Variants in DNAH8 observed in about 807,000 individuals in gnomAD.
The protein encoded by DNAH8 is dynein axonemal heavy chain 8, also known as axonemal beta dynein heavy chain 8.
Under a neutral mutation model 562.1 loss-of-function variants are expected in DNAH8, and 382 were observed. That is an observed-to-expected ratio of 0.68 (90% CI 0.63 to 0.74). The LOEUF is 0.74. DNAH8 is among the 30% of genes least tolerant of loss of function. DNAH8 has a pLI of 0.00. For synonymous variants in DNAH8, 1,881 were observed against 1,919.4 expected (o/e 0.98, Z 0.52); for missense variants, 5,203 against 5,620.4 (o/e 0.93, Z 2.37).
At chr6:38,963,266 T>TC (rs1762738758) in intron 82 of DNAH8, among the ~76,000 whole-genome samples, 3 of 106,070 alleles carry the variant, frequency 2.8e-5, no homozygotes, top group Non-Finnish European at 1.9e-5. Context: ...TTTTTTTTTT[T>TC]TTTTTTTTTT....
At chr6:38,925,142 C>T (rs758612876) in intron 73 of DNAH8, 7 of 152,050 alleles carry the variant, frequency 4.6e-5, no homozygotes, top group Non-Finnish European at 8.8e-5. Flanking sequence ...TGAATTCACC[C>T]TTACAGGGAA....
intron 91 of DNAH8, among the ~76,000 whole-genome samples, chr6:39,020,976 C>T (rs887536987): frequency 2.0e-5 from 3 of 152,186 alleles, no homozygotes; most frequent in Admixed American, 6.5e-5. Flanking sequence ...CTGCAATAAA[C>T]ATATGTGTGC....
rs1182016547 is a variant in DNAH8 at position 38,722,932 on chromosome 6, C to A, written c.123C>A (p.Ala41=). ...EEAPRPPTVE[A]PAEDGFSPSA... is the part of the protein sequence containing the mutation. Reference sequence around the variant, plus strand: ...CCCCGCGCCCTCCGACAGTGGAGGCCCCGGCAGAAGATGGTTTCTCTCCTT... The same window carrying A: ...CCCCGCGCCCTCCGACAGTGGAGGCACCGGCAGAAGATGGTTTCTCTCCTT... The change falls in exon 2 of 93, where the codon GCC becomes GCA. Residue 41 remains alanine, a synonymous_variant. Coordinates refer to ENST00000327475, the MANE Select transcript of DNAH8 (RefSeq NM_001206927.2). 2 of 1,612,500 alleles carry A rather than the reference C, an allele frequency of 1.2e-6. No homozygotes were observed. Among genetic ancestry groups the A allele is most frequent in the Non-Finnish European group, 1.7e-6 (2 of 1,179,670 alleles).
At chr6:38,952,092 A>C (rs1052707924) in intron 82 of DNAH8, among the ~76,000 whole-genome samples, 1 of 152,222 alleles carries the variant, frequency 6.6e-6, no homozygotes, top group African/African-American at 2.4e-5. Context: ...GAAGTGGCTG[A>C]TCACAGGATT....
chr6:38,827,301 G>T (rs942270072), intron 29 of DNAH8, among the ~76,000 whole-genome samples: 5 of 152,114 alleles, frequency 3.3e-5, no homozygotes, highest in African/African-American at 1.2e-4. Context: ...ACCATATAAG[G>T]TAATATGTTC....
chr6:38,999,319 C>G (rs1483240611), intron 88 of DNAH8, among the ~76,000 whole-genome samples: 1 of 151,852 alleles, frequency 6.6e-6, no homozygotes, highest in Admixed American at 6.6e-5. Context: ...GGGACCTAGC[C>G]CCTGGTGCTG....
intron 21 of DNAH8, among the ~76,000 whole-genome samples, chr6:38,802,597 T>G (rs1052284346): frequency 7.9e-5 from 12 of 152,250 alleles, no homozygotes; most frequent in African/African-American, 2.9e-4. Flanking sequence ...CAAATAGTTT[T>G]TCCAACTACT....
rs3047883 is a variant in DNAH8, at chr6:38,881,549, GTT to G, written c.7859-1344_7859-1343del. Among the ~76,000 whole-genome samples the G allele has an allele frequency of 0.011, 1,497 of 133,970 alleles. 77 individuals are homozygous for G. The East Asian group carries it at 0.15, about 14-fold the overall frequency. 87.9% of individuals were successfully genotyped at this position (133,970 alleles called of 152,430 possible). ...ATGTAAATAAATTTTTGAAATCAAT[GTT>G]TTTTTTTTTTTTTTTTGAGACGGAG... On this transcript the variant is annotated intron_variant, in intron 53 of 92. Coordinates refer to ENST00000327475, the MANE Select transcript of DNAH8 (RefSeq NM_001206927.2).
chr6:38,917,543 C>T (rs1419786794), intron 69 of DNAH8, 137 bp downstream of exon 69: 1 of 733,956 alleles, frequency 1.4e-6, no homozygotes, highest in African/African-American at 1.8e-5. Flanking sequence ...AACTCCATCA[C>T]CTAAAATGTA....
At chr6:38,792,924 G>A (rs1002764388) in intron 21 of DNAH8, among the ~76,000 whole-genome samples, 1 of 152,036 alleles carries the variant, frequency 6.6e-6, no homozygotes, top group African/African-American at 2.4e-5. Context: ...GATTACAGGT[G>A]CATACCACCA....
intron 8 of DNAH8, among the ~76,000 whole-genome samples, chr6:38,743,633 C>A (rs1163948829): frequency 6.6e-6 from 1 of 152,100 alleles, no homozygotes; most frequent in African/African-American, 2.4e-5. Context: ...AGATTCTTTG[C>A]CTTTCGTTAC....
At chr6:38,949,205 T>C (rs1583435242) in intron 80 of DNAH8, among the ~76,000 whole-genome samples, 1 of 152,170 alleles carries the variant, frequency 6.6e-6, no homozygotes, top group East Asian at 1.9e-4. Context: ...GCCCAATCAT[T>C]TGGTGCAGTT....
At chr6:38,877,603 T>A (rs1181016120) in intron 53 of DNAH8, among the ~76,000 whole-genome samples, 7 of 152,210 alleles carry the variant, frequency 4.6e-5, no homozygotes, top group African/African-American at 1.7e-4. Flanking sequence ...TAAGATATTA[T>A]GCACTTAGTG....
At chr6:38,809,020 C>T (rs1771554051) in intron 24 of DNAH8, among the ~76,000 whole-genome samples, 1 of 151,648 alleles carries the variant, frequency 6.6e-6, no homozygotes, top group Admixed American at 6.6e-5. Context: ...AGTAAACCAC[C>T]ATAGCATGTG....
chr6:38,777,873 G>A (rs1014815471), intron 13 of DNAH8, among the ~76,000 whole-genome samples: 7 of 152,168 alleles, frequency 4.6e-5, no homozygotes, highest in Non-Finnish European at 7.3e-5. Flanking sequence ...TCTACCTGAA[G>A]TTCTATATAT....
At chr6:38,917,646 G>T (rs1435100383) in intron 69 of DNAH8, among the ~76,000 whole-genome samples, 1 of 152,192 alleles carries the variant, frequency 6.6e-6, no homozygotes, top group Non-Finnish European at 1.5e-5. Context: ...TGTCAACCCA[G>T]CCCAGTTTTC....
chr6:38,750,522 C>T lies in DNAH8; in HGVS notation c.1340C>T (p.Ser447Phe). 6.2e-7 allele frequency: 1 copy of T among 1,611,258 alleles called. No homozygotes were observed. ...DARITDTANE[S>F]KDNVRYLYTL... is the part of the protein sequence containing the mutation. ...AGAATCACTGATACAGCAAATGAAT[C>T]CAAAGATAATGTCAGATATTTGTAT... Residue 447 changes from serine to phenylalanine, a missense_variant, in exon 9 of 93, where the codon TCC becomes TTC. Transcript: ENST00000327475.
Position 38,960,145 on chromosome 6 carries a change from C to A in DNAH8, c.12451+8625C>A, listed in dbSNP as rs542698408. On this transcript the variant is annotated intron_variant, in intron 82 of 92. Coordinates refer to ENST00000327475, the MANE Select transcript of DNAH8 (RefSeq NM_001206927.2). ...TGGATTAAAGACTGAAATGTAAGACCTGAAATTGTGAAACTACTATGAGAA... is the reference window on the plus strand; with the variant it reads ...TGGATTAAAGACTGAAATGTAAGACATGAAATTGTGAAACTACTATGAGAA... Among the ~76,000 whole-genome samples the A allele has an allele frequency of 1.4e-4, 21 of 152,044 alleles. 1 individual carries two copies. In the South Asian group the frequency reaches 3.3e-3, roughly 24 times the overall value.
intron 91 of DNAH8, among the ~76,000 whole-genome samples, chr6:39,021,677 G>A (rs535305184): frequency 2.0e-5 from 3 of 152,316 alleles, no homozygotes; most frequent in Admixed American, 6.5e-5. Flanking sequence ...TAAACTCGTG[G>A]CAGGAACATC....
Sources: allele counts gnomAD v4.1 joint callset (sites outside exome capture counted in the v4.1 genomes callset), GRCh38; gene constraint gnomAD v4.1.1; transcripts MANE v1.5; gene names NCBI Gene and HGNC (gene_info 2026-07-23, HGNC 2026-07-21).